Variants in MEI4 observed in about 807,000 individuals in gnomAD.
The protein encoded by MEI4 is meiotic double-stranded break formation protein 4.
A neutral mutation model predicts 31.4 loss-of-function variants in MEI4; 27 were observed. That is an observed-to-expected ratio of 0.86 (90% CI 0.63 to 1.19). The LOEUF (loss-of-function observed/expected upper bound fraction) is 1.19, where lower values mean the gene tolerates loss of function less well. MEI4 is among the 50% of genes most tolerant of loss of function. The pLI is 0.00. For missense variants in MEI4, 329 were observed against 398.9 expected (o/e 0.82, Z 1.49); for synonymous variants, 122 against 145.4 (o/e 0.84, Z 1.16).
chr6:77,836,080 A>G (rs919387531), intron 4 of MEI4, among the ~76,000 whole-genome samples: 3 of 152,138 alleles, frequency 2.0e-5, no homozygotes, highest in African/African-American at 7.2e-5. Flanking sequence ...TTTTTAATTT[A>G]TGTATTGCAT....
intron 4 of MEI4, among the ~76,000 whole-genome samples, chr6:77,863,660 G>T (rs529775162): frequency 6.6e-6 from 1 of 152,316 alleles, no homozygotes; most frequent in Admixed American, 6.5e-5. Flanking sequence ...CACTCTGCAG[G>T]ATATAATCCA....
At position 77,888,157 on chromosome 6, in the gene MEI4, G is replaced by A. The variant is rs116737015; in HGVS notation, c.901-34932G>A. ...TTCACTTTGTATGCATCTTTGAAAG[G>A]GAAGTGAACTTTTTGTATGCAGCCT... is the stretch of plus-strand genomic sequence containing the variant. On this transcript the variant is annotated intron_variant, in intron 4 of 4. Transcript: ENST00000684080. 8.7e-3 allele frequency among the ~76,000 whole-genome samples: 1,320 copies of A among 152,172 alleles called. 18 individuals carry two copies. The highest frequency in any genetic ancestry group is 0.03 in the African/African-American group (1,255 of 41,520).
intron 2 of MEI4, among the ~76,000 whole-genome samples, chr6:77,708,930 T>A (rs2127659169): frequency 6.6e-6 from 1 of 152,326 alleles, no homozygotes. Flanking sequence ...TCTTTATAAA[T>A]TATCCTGTTT....
intron 3 of MEI4, among the ~76,000 whole-genome samples, chr6:77,802,413 A>G (rs1221273221): frequency 6.6e-6 from 1 of 151,796 alleles, no homozygotes; most frequent in Non-Finnish European, 1.5e-5. Flanking sequence ...ATGGGTCTTG[A>G]CTCTTTATCC....
intron 1 of MEI4, among the ~76,000 whole-genome samples, chr6:77,660,766 T>C (rs1363850117): frequency 1.3e-5 from 2 of 152,174 alleles, no homozygotes; most frequent in African/African-American, 4.8e-5. Flanking sequence ...GGCTGTCCGA[T>C]GGACACAGCT....
chr6:77,796,740 A>G (rs1769087817), intron 3 of MEI4, among the ~76,000 whole-genome samples: 1 of 152,170 alleles, frequency 6.6e-6, no homozygotes, highest in South Asian at 2.1e-4. Context: ...ATGAATTGCA[A>G]TAATTTGTAT....
intron 2 of MEI4, among the ~76,000 whole-genome samples, chr6:77,743,679 G>T (rs572288957): frequency 2.0e-5 from 3 of 150,916 alleles, no homozygotes; most frequent in African/African-American, 7.2e-5. Flanking sequence ...GTGGGTCCCT[G>T]ACCCCTGACC....
At chr6:77,745,787 A>T (rs1357234395) in intron 2 of MEI4, among the ~76,000 whole-genome samples, 1 of 152,224 alleles carries the variant, frequency 6.6e-6, no homozygotes, top group Non-Finnish European at 1.5e-5. Flanking sequence ...ACCACAGTGC[A>T]ATCAAACTAG....
intron 4 of MEI4, among the ~76,000 whole-genome samples, chr6:77,871,183 C>T (rs1477168606): frequency 2.0e-5 from 3 of 151,980 alleles, no homozygotes; most frequent in Non-Finnish European, 2.9e-5. Context: ...AATGAAGAGA[C>T]CTCAAGTCAA....
intron 2 of MEI4, among the ~76,000 whole-genome samples, chr6:77,694,397 T>A (rs35484364): frequency 0.091 from 13,829 of 151,632 alleles, 922 homozygotes; most frequent in East Asian, 0.3. Flanking sequence ...TATCTCCTAA[T>A]GCTATCCCTC....
chr6:77,915,955 C>G (rs1206345536), intron 4 of MEI4, among the ~76,000 whole-genome samples: 11 of 151,850 alleles, frequency 7.2e-5, no homozygotes. Flanking sequence ...CATTCTTTTT[C>G]ATTCTGTCAT....
intron 4 of MEI4, among the ~76,000 whole-genome samples, chr6:77,898,880 T>A (rs1766135487): frequency 6.6e-6 from 1 of 152,004 alleles, no homozygotes; most frequent in Non-Finnish European, 1.5e-5. Flanking sequence ...GTAAGGGACC[T>A]GAAGATTTCC....
At chr6:77,738,431 C>T (rs762463058) in intron 2 of MEI4, among the ~76,000 whole-genome samples, 1 of 152,054 alleles carries the variant, frequency 6.6e-6, no homozygotes, top group Non-Finnish European at 1.5e-5. Context: ...TCTTTTCTTT[C>T]TTTATTAGTC....
upstream of MEI4, among the ~76,000 whole-genome samples, chr6:77,650,470 T>C (rs888794659): frequency 7.2e-5 from 11 of 152,192 alleles, no homozygotes; most frequent in Non-Finnish European, 1.6e-4. Flanking sequence ...GGTGACCACC[T>C]GCGGGGCAGC....
chr6:77,708,190 CAG>C (rs1198904496), intron 2 of MEI4, among the ~76,000 whole-genome samples: 3 of 152,220 alleles, frequency 2.0e-5, no homozygotes, highest in Non-Finnish European at 4.4e-5. Context: ...AGAGCAGTCA[CAG>C]GGGTGGAGCT....
At chr6:77,732,701 G>C (rs1187932809) in intron 2 of MEI4, among the ~76,000 whole-genome samples, 3 of 152,014 alleles carry the variant, frequency 2.0e-5, no homozygotes, top group African/African-American at 7.3e-5. Flanking sequence ...TCCCTGTCTT[G>C]TGCCAGTTTT....
chr6:77,793,763 A>G (rs1441077053), intron 3 of MEI4, among the ~76,000 whole-genome samples: 1 of 152,192 alleles, frequency 6.6e-6, no homozygotes, highest in African/African-American at 2.4e-5. Flanking sequence ...AGCTTGTGAC[A>G]TCACAAAGAA....
At chr6:77,864,660 T>C (rs1770968880) in intron 4 of MEI4, among the ~76,000 whole-genome samples, 1 of 152,094 alleles carries the variant, frequency 6.6e-6, no homozygotes, top group South Asian at 2.1e-4. Flanking sequence ...CTGTCAACAT[T>C]AGACAGATCA....
intron 1 of MEI4, among the ~76,000 whole-genome samples, chr6:77,660,188 C>T (rs964712425): frequency 7.2e-5 from 11 of 151,886 alleles, no homozygotes; most frequent in Non-Finnish European, 1.0e-4. Context: ...AGCAGTTGTT[C>T]GCTAAGGAGG....
Sources: gnomAD v4.1 joint callset for allele counts (sites outside exome capture counted in the v4.1 genomes callset) on GRCh38, gnomAD v4.1.1 for gene constraint, MANE v1.5 for transcripts, NCBI Gene and HGNC (gene_info 2026-07-23, HGNC 2026-07-21) for gene names.